Variants in CNTNAP5 observed in about 807,000 individuals in gnomAD.
The protein encoded by CNTNAP5 is contactin-associated protein-like 5.
CNTNAP5 carries 72 observed loss-of-function variants against 150.2 expected under a neutral mutation model. The observed-to-expected ratio is 0.48, with a 90% confidence interval of 0.40 to 0.58. CNTNAP5 has a LOEUF of 0.58. Among genes scored for constraint, CNTNAP5 ranks in the 20% least tolerant of loss-of-function variants. The pLI, the probability that CNTNAP5 is intolerant of heterozygous loss-of-function variation, is 0.00. For synonymous variants in CNTNAP5, 672 were observed against 619.8 expected (o/e 1.08, Z -1.25); for missense variants, 1,636 against 1,626.2 (o/e 1.01, Z -0.10).
At chr2:124,325,151 T>A (rs1381319304) in intron 3 of CNTNAP5, among the ~76,000 whole-genome samples, 1 of 152,132 alleles carries the variant, frequency 6.6e-6, no homozygotes, top group African/African-American at 2.4e-5. Flanking sequence ...AGTGCCCTTA[T>A]GAAAGAAACC....
chr2:124,822,154 C>T (rs1466398855), intron 19 of CNTNAP5, among the ~76,000 whole-genome samples: 1 of 152,066 alleles, frequency 6.6e-6, no homozygotes, highest in Admixed American at 6.6e-5. Context: ...TGGTTCTGTG[C>T]TCTGTAGCCT....
At chr2:124,677,111 T>C (rs1678958586) in intron 13 of CNTNAP5, among the ~76,000 whole-genome samples, 1 of 152,196 alleles carries the variant, frequency 6.6e-6, no homozygotes, top group South Asian at 2.1e-4. Flanking sequence ...TGGTGTGTCC[T>C]GAGTTCGTTC....
intron 11 of CNTNAP5, among the ~76,000 whole-genome samples, chr2:124,599,287 A>C (rs1263042417): frequency 6.6e-6 from 1 of 151,862 alleles, no homozygotes; most frequent in Non-Finnish European, 1.5e-5. Flanking sequence ...ACCACATGTA[A>C]TTTTTTTTGT....
intron 3 of CNTNAP5, among the ~76,000 whole-genome samples, chr2:124,413,414 A>C (rs1313744749): frequency 7.0e-6 from 1 of 142,610 alleles, no homozygotes; most frequent in African/African-American, 2.6e-5. Flanking sequence ...TCATGCTGCT[A>C]TAAAGACACA....
intron 13 of CNTNAP5, among the ~76,000 whole-genome samples, chr2:124,735,780 C>A (rs1404795871): frequency 6.6e-6 from 1 of 152,130 alleles, no homozygotes; most frequent in East Asian, 1.9e-4. Context: ...TGTTAGCTAC[C>A]ATTTTTTATC....
chr2:124,857,911 A>G (rs1000140877), intron 19 of CNTNAP5, among the ~76,000 whole-genome samples: 2 of 152,172 alleles, frequency 1.3e-5, no homozygotes, highest in African/African-American at 4.8e-5. Context: ...AGAACAAGTC[A>G]AGTGAATTGG....
At chr2:124,235,023 T>C (rs1686714913) in intron 2 of CNTNAP5, among the ~76,000 whole-genome samples, 1 of 152,014 alleles carries the variant, frequency 6.6e-6, no homozygotes, top group Non-Finnish European at 1.5e-5. Context: ...GGCGGTGGTC[T>C]CTGGAGATAG....
chr2:124,241,062 C>T (rs1386411348), intron 2 of CNTNAP5, among the ~76,000 whole-genome samples: 1 of 152,164 alleles, frequency 6.6e-6, no homozygotes, highest in Admixed American at 6.5e-5. Context: ...TGCTTCTATG[C>T]TATCTCTACC....
At chr2:124,209,401 A>G (rs148419843) in intron 1 of CNTNAP5, among the ~76,000 whole-genome samples, 5 of 152,316 alleles carry the variant, frequency 3.3e-5, no homozygotes, top group African/African-American at 4.8e-5. Flanking sequence ...GCAAAGCTCA[A>G]ATAAAGAAAG....
chr2:124,609,322 A>C (rs1433048415), intron 11 of CNTNAP5, among the ~76,000 whole-genome samples: 1 of 152,182 alleles, frequency 6.6e-6, no homozygotes, highest in African/African-American at 2.4e-5. Flanking sequence ...GGCCTGGCGG[A>C]TCATGCCTAT....
intron 18 of CNTNAP5, among the ~76,000 whole-genome samples, chr2:124,790,870 C>G (rs1364796909): frequency 6.6e-6 from 1 of 151,998 alleles, no homozygotes; most frequent in Non-Finnish European, 1.5e-5. Context: ...CCTCAAGAAA[C>G]TAGAAAATCT....
At chr2:124,110,979 G>T (rs1030957472) in intron 1 of CNTNAP5, among the ~76,000 whole-genome samples, 1 of 152,146 alleles carries the variant, frequency 6.6e-6, no homozygotes, top group African/African-American at 2.4e-5. Context: ...GATCTCCCAT[G>T]ATCTCTACTT....
At chr2:124,194,443 A>G (rs1489413339) in intron 1 of CNTNAP5, among the ~76,000 whole-genome samples, 1 of 146,526 alleles carries the variant, frequency 6.8e-6, no homozygotes, top group Admixed American at 6.9e-5. Context: ...TGTTCAGGTA[A>G]TGCAATGAGG....
At chr2:124,556,898 T>G (rs1367533875) in intron 10 of CNTNAP5, among the ~76,000 whole-genome samples, 1 of 151,958 alleles carries the variant, frequency 6.6e-6, no homozygotes, top group Non-Finnish European at 1.5e-5. Context: ...AGGATCAAGG[T>G]GAGCTGGATG....
intron 3 of CNTNAP5, among the ~76,000 whole-genome samples, chr2:124,337,689 T>C (rs981383802): frequency 8.5e-5 from 13 of 152,168 alleles, no homozygotes; most frequent in African/African-American, 2.7e-4. Context: ...GTTGTAGATA[T>C]GCGGCATTAT....
chr2:124,628,402 G>C (rs1677776120), intron 12 of CNTNAP5, among the ~76,000 whole-genome samples: 1 of 152,126 alleles, frequency 6.6e-6, no homozygotes, highest in Non-Finnish European at 1.5e-5. Flanking sequence ...GAGCTTGGGG[G>C]CCAATATTCA....
intron 13 of CNTNAP5, among the ~76,000 whole-genome samples, chr2:124,662,263 A>G (rs1419908637): frequency 2.0e-5 from 3 of 152,142 alleles, no homozygotes; most frequent in Admixed American, 2.0e-4. Flanking sequence ...AGTCTTTGCT[A>G]TTGTGAACAG....
At chr2:124,077,875 C>G (rs1324105460) in intron 1 of CNTNAP5, among the ~76,000 whole-genome samples, 2 of 152,128 alleles carry the variant, frequency 1.3e-5, no homozygotes, top group Non-Finnish European at 2.9e-5. Context: ...AGAACTATTC[C>G]TTTGGGCTCC....
chr2:124,789,105 A>G (rs1681663048), intron 17 of CNTNAP5, among the ~76,000 whole-genome samples: 1 of 152,156 alleles, frequency 6.6e-6, no homozygotes, highest in African/African-American at 2.4e-5. Flanking sequence ...CTTCCACTCC[A>G]CTGCACTGCA....
Sources: allele counts gnomAD v4.1 joint callset (sites outside exome capture counted in the v4.1 genomes callset), GRCh38; gene constraint gnomAD v4.1.1; transcripts MANE v1.5; gene names NCBI Gene and HGNC (gene_info 2026-07-23, HGNC 2026-07-21).